The following BACH2 variants were observed in gnomAD, a reference collection of about 807,000 sequenced individuals.
BACH2 encodes the protein BACH transcriptional regulator 2, also known as transcription regulator protein BACH2.
BACH2 carries 5 observed loss-of-function variants against 61.8 expected under a neutral mutation model. The ratio of observed to expected loss-of-function variants is 0.08; its 90% CI spans 0.04 to 0.17. BACH2 has a LOEUF of 0.17. Ranked by LOEUF, BACH2 falls within the 10% of genes least tolerant of loss-of-function variation. The probability of loss-of-function intolerance (pLI) is 1.00; values close to 1 mark genes in which losing one functional copy is unlikely to be tolerated. For synonymous variants in BACH2, 446 were observed against 440.1 expected, an observed-to-expected ratio of 1.01 and a Z score of -0.17; for missense variants, 824 against 1,091.1, an observed-to-expected ratio of 0.76 and a Z score of 3.45.
At chr6:90,221,928 G>T (rs1769747488) in intron 3 of BACH2, among the ~76,000 whole-genome samples, 1 of 152,142 alleles carries the variant, frequency 6.6e-6, no homozygotes, top group Non-Finnish European at 1.5e-5. Context: ...TCATGATATA[G>T]CTTAGACCAG....
intron 4 of BACH2, among the ~76,000 whole-genome samples, chr6:90,169,520 C>T (rs1767743160): frequency 6.6e-6 from 1 of 152,182 alleles, no homozygotes; most frequent in Admixed American, 6.5e-5. Flanking sequence ...GTAGCCACTA[C>T]AATTGTTTAA....
In BACH2 at chr6:89,938,192, T is replaced by C. The variant is rs2128353812; in HGVS notation, c.1995A>G (p.Lys665=). 1 of 1,614,218 alleles carries C rather than the reference T, an allele frequency of 6.2e-7. No individual in the cohort carries two copies. The highest frequency in any genetic ancestry group is 8.5e-7 in the Non-Finnish European group (1 of 1,180,020). Residue 665 remains lysine (K), a synonymous_variant, in exon 8 of 9, where the codon AAA becomes AAG. Coordinates refer to ENST00000257749, the MANE Select transcript of BACH2 (RefSeq NM_021813.4). The part of the protein sequence containing the change: ...KNRIAAQRCR[K]RKLDCIQNLE... ...AATTCTGAATACAGTCCAGTTTCCT[T>C]TTGCGGCAGCGCTGGGCCGCGATGC...
At chr6:90,053,967 T>A (rs1562403730) in intron 5 of BACH2, among the ~76,000 whole-genome samples, 2 of 152,150 alleles carry the variant, frequency 1.3e-5, no homozygotes, top group East Asian at 3.9e-4. Context: ...CATTGAAAAA[T>A]TCTGGAATGC....
At chr6:89,939,236 C>T (rs1773237325) in intron 7 of BACH2, among the ~76,000 whole-genome samples, 1 of 152,146 alleles carries the variant, frequency 6.6e-6, no homozygotes, top group African/African-American at 2.4e-5. Context: ...TGCCTCTAGT[C>T]AACAACCAGC....
chr6:90,091,850 A>G (rs1016150033), intron 4 of BACH2, among the ~76,000 whole-genome samples: 1 of 152,156 alleles, frequency 6.6e-6, no homozygotes, highest in African/African-American at 2.4e-5. Context: ...ACCAAAGAGA[A>G]GTGGACCATT....
chr6:90,154,123 T>C (rs1461236149), intron 4 of BACH2, among the ~76,000 whole-genome samples: 1 of 152,124 alleles, frequency 6.6e-6, no homozygotes, highest in Non-Finnish European at 1.5e-5. Context: ...GAGATACTAC[T>C]ATAAAAGCTG....
At chr6:90,100,387 T>C (rs1447218435) in intron 4 of BACH2, among the ~76,000 whole-genome samples, 2 of 152,178 alleles carry the variant, frequency 1.3e-5, no homozygotes, top group African/African-American at 4.8e-5. Context: ...TGTTTGGGTG[T>C]CGTTACAAAG....
At chr6:89,983,013 C>T (rs1218391097) in intron 6 of BACH2, among the ~76,000 whole-genome samples, 1 of 152,234 alleles carries the variant, frequency 6.6e-6, no homozygotes, top group African/African-American at 2.4e-5. Flanking sequence ...GACCACAGGA[C>T]AGACCCTGGC....
rs148083597 is a variant in BACH2 at position 89,951,175 on chromosome 6, G to T, written c.931C>A (p.Arg311=). 4.3e-6 allele frequency: 7 copies of T among 1,613,592 alleles called. No homozygotes were observed. Among genetic ancestry groups the T allele is most frequent in the Non-Finnish European group, 5.9e-6 (7 of 1,179,978 alleles). The change falls in exon 7 of 9, where the codon CGG becomes AGG. Residue 311 remains arginine (R), a synonymous_variant. Transcript: ENST00000257749. The surrounding 1 kb of genome is among the most constrained non-coding windows in gnomAD (Gnocchi z 6.4). ...GTAGGGGCAGGGCTGGGCTGTTTCC[G>T]GTCCATCTCGACATCCCCCGCTCTG... The part of the protein sequence containing the change: ...KDRAGDVEMD[R]KQPSPAPTPT...
intron 6 of BACH2, among the ~76,000 whole-genome samples, chr6:89,965,590 A>C (rs946834037): frequency 9.8e-5 from 15 of 152,362 alleles, no homozygotes; most frequent in East Asian, 1.9e-4. Context: ...TAGTTGAACT[A>C]AACCGAGCTA....
chr6:90,210,025 G>C (rs926687245), intron 3 of BACH2, among the ~76,000 whole-genome samples: 1 of 152,024 alleles, frequency 6.6e-6, no homozygotes, highest in Non-Finnish European at 1.5e-5. Flanking sequence ...TAATGCCAGG[G>C]TTGTAAATCT....
chr6:90,194,261 TG>T (rs1768677270), intron 4 of BACH2, among the ~76,000 whole-genome samples: 1 of 152,124 alleles, frequency 6.6e-6, no homozygotes, highest in Non-Finnish European at 1.5e-5. Context: ...GGACAAAAAA[TG>T]TACCCTCTTT....
At chr6:90,028,197 C>T (rs116899739) in intron 5 of BACH2, among the ~76,000 whole-genome samples, 1,915 of 152,238 alleles carry the variant, frequency 0.013, 20 homozygotes, top group Non-Finnish European at 0.019. Flanking sequence ...GTACTCTGCT[C>T]GCATCAGGAA....
intron 3 of BACH2, among the ~76,000 whole-genome samples, chr6:90,239,034 A>G (rs1770346964): frequency 6.6e-6 from 1 of 152,242 alleles, no homozygotes; most frequent in African/African-American, 2.4e-5. Flanking sequence ...TACTGATTTT[A>G]AGGCAGGAGC....
intron 3 of BACH2, among the ~76,000 whole-genome samples, chr6:90,211,612 G>T (rs77641819): frequency 0.016 from 2,440 of 151,488 alleles, 40 homozygotes; most frequent in East Asian, 0.07. Flanking sequence ...GTGTGTGTGT[G>T]TGTGTGTGTG....
intron 4 of BACH2, among the ~76,000 whole-genome samples, chr6:90,194,430 C>T (rs996912284): frequency 3.9e-5 from 6 of 152,092 alleles, no homozygotes; most frequent in Admixed American, 6.5e-5. Context: ...CAGCTGGCTT[C>T]TCATGTTTAT....
chr6:90,290,153 G>C (rs977862080), intron 1 of BACH2, among the ~76,000 whole-genome samples: 4 of 152,188 alleles, frequency 2.6e-5, no homozygotes, highest in African/African-American at 9.7e-5. Flanking sequence ...GAATTAATAG[G>C]ATTAGGAAGC....
chr6:90,146,387 C>A (rs1482691638), intron 4 of BACH2, among the ~76,000 whole-genome samples: 1 of 152,236 alleles, frequency 6.6e-6, no homozygotes, highest in Non-Finnish European at 1.5e-5. Context: ...GTGTATTCAT[C>A]CTTGTTTTCC....
At chr6:89,956,680 G>C (rs565834360) in intron 6 of BACH2, among the ~76,000 whole-genome samples, 1 of 152,312 alleles carries the variant, frequency 6.6e-6, no homozygotes, top group South Asian at 2.1e-4. Context: ...GCAGGACAGA[G>C]TTTATGAGGA....
Sources: allele counts gnomAD v4.1 joint callset (sites outside exome capture counted in the v4.1 genomes callset), GRCh38; gene constraint gnomAD v4.1.1; non-coding constraint Gnocchi (gnomAD v3.1); transcripts MANE v1.5; gene names NCBI Gene and HGNC (gene_info 2026-07-23, HGNC 2026-07-21).